Variants in UTS2B observed in about 807,000 individuals in gnomAD.
The protein encoded by UTS2B is urotensin-2B.
UTS2B carries 21 observed loss-of-function variants against 19.2 expected under a neutral mutation model. That is an observed-to-expected ratio of 1.09 (90% CI 0.78 to 1.58). The LOEUF is 1.58. Ranked by LOEUF, UTS2B falls within the 40% of genes most tolerant of loss-of-function variation. The pLI, the probability that UTS2B is intolerant of heterozygous loss-of-function variation, is 0.00. For missense variants in UTS2B, 138 were observed against 130.3 expected (o/e 1.06, Z -0.29); for synonymous variants, 57 against 50.2 (o/e 1.14, Z -0.58).
At chr3:191,269,393 C>A (rs1217709520) in intron 8 of UTS2B, among the ~76,000 whole-genome samples, 4 of 152,212 alleles carry the variant, frequency 2.6e-5, no homozygotes, top group African/African-American at 9.7e-5. Flanking sequence ...TCAAGAGCCA[C>A]AGTTTCCCTT....
At chr3:191,345,054 G>A in the UTS2B span, among the ~76,000 whole-genome samples, 1 of 152,242 alleles carries the variant, frequency 6.6e-6, no homozygotes, top group South Asian at 2.1e-4. Context: ...AATTTGATGG[G>A]CACTCAGAAT....
At chr3:191,344,884 G>A in the UTS2B span, among the ~76,000 whole-genome samples, 17 of 152,148 alleles carry the variant, frequency 1.1e-4, no homozygotes, top group African/African-American at 3.6e-4. Context: ...CAGCCAGGAT[G>A]CCAATTCTAA....
chr3:191,299,242 T>C (rs148540343), intron 4 of UTS2B, among the ~76,000 whole-genome samples: 1 of 152,360 alleles, frequency 6.6e-6, no homozygotes, highest in African/African-American at 2.4e-5. Context: ...GGTAGGCAAA[T>C]GCTAATAGCC....
intron 3 of UTS2B, among the ~76,000 whole-genome samples, chr3:191,310,129 T>C (rs1418802104): frequency 1.4e-5 from 2 of 146,128 alleles, no homozygotes; most frequent in South Asian, 2.1e-4. Context: ...TGCCTGGCTA[T>C]TTTTTTTTGT....
chr3:191,332,359 AAGGG>A, upstream of UTS2B, among the ~76,000 whole-genome samples: 1 of 152,230 alleles, frequency 6.6e-6, no homozygotes, highest in African/African-American at 2.4e-5. Context: ...CTGGGAGACA[AAGGG>A]AAATGATTGA....
the UTS2B span, among the ~76,000 whole-genome samples, chr3:191,340,332 G>A: frequency 1.3e-5 from 2 of 152,138 alleles, no homozygotes; most frequent in African/African-American, 2.4e-5. Context: ...TTATATTTCT[G>A]TAAATTGGGC....
intron 4 of UTS2B, among the ~76,000 whole-genome samples, chr3:191,298,085 G>A (rs901783624): frequency 2.0e-5 from 3 of 152,058 alleles, no homozygotes; most frequent in African/African-American, 7.2e-5. Context: ...ATCATCAACT[G>A]TTGCCTAGTT....
At chr3:191,313,983 G>A (rs575432622) in intron 3 of UTS2B, among the ~76,000 whole-genome samples, 296 of 152,102 alleles carry the variant, frequency 1.9e-3, no homozygotes, top group African/African-American at 6.6e-3. Context: ...CACCCACCTC[G>A]ACCTCCCAAA....
intron 3 of UTS2B, among the ~76,000 whole-genome samples, chr3:191,314,244 G>A (rs1233745844): frequency 6.6e-6 from 1 of 152,030 alleles, no homozygotes; most frequent in Non-Finnish European, 1.5e-5. Context: ...GGAGTTTCAC[G>A]TTACATATAT....
chr3:191,316,750 C>G (rs9872208), intron 2 of UTS2B, among the ~76,000 whole-genome samples: 10 of 152,082 alleles, frequency 6.6e-5, no homozygotes, highest in East Asian at 5.8e-4. Flanking sequence ...GAGCACTGAT[C>G]GGTGCTTTTA....
chr3:191,304,449 C>A (rs1717085150), intron 4 of UTS2B, 43 bp downstream of exon 4: 1 of 152,220 alleles, frequency 6.6e-6, no homozygotes, highest in African/African-American at 2.4e-5. Flanking sequence ...TTAACATATT[C>A]TATTGGCATT....
At chr3:191,301,657 T>C (rs1348264698) in intron 4 of UTS2B, among the ~76,000 whole-genome samples, 3 of 151,892 alleles carry the variant, frequency 2.0e-5, no homozygotes, top group Non-Finnish European at 4.4e-5. Context: ...CGGCTAATTT[T>C]TTTTTGTATT....
At chr3:191,339,056 A>C in the UTS2B span, among the ~76,000 whole-genome samples, 4 of 152,200 alleles carry the variant, frequency 2.6e-5, no homozygotes, top group Admixed American at 6.5e-5. Flanking sequence ...AAACAAGTCA[A>C]ACATAGCATG....
intron 2 of UTS2B, among the ~76,000 whole-genome samples, chr3:191,321,841 A>G (rs1458604651): frequency 6.6e-6 from 1 of 152,222 alleles, no homozygotes; most frequent in East Asian, 1.9e-4. Flanking sequence ...AGCCTGGCCA[A>G]CATGGTGAAA....
intron 4 of UTS2B, among the ~76,000 whole-genome samples, chr3:191,303,873 G>GACAT (rs3048663): frequency 0.6 from 91,160 of 151,756 alleles, 27,817 homozygotes; most frequent in African/African-American, 0.72. Flanking sequence ...GATGTGGTCA[G>GACAT]AGAACAGGAT....
intron 6 of UTS2B, 23 bp from the exon 7 acceptor site, chr3:191,276,867 GA>G (rs1576914191): frequency 1.9e-6 from 3 of 1,605,524 alleles, no homozygotes; most frequent in East Asian, 2.2e-5. Flanking sequence ...TTTGTCACAT[GA>G]AAAAACGTAC....
intron 2 of UTS2B, among the ~76,000 whole-genome samples, chr3:191,322,868 T>A (rs182225350): frequency 1.1e-3 from 160 of 152,318 alleles, no homozygotes; most frequent in African/African-American, 3.6e-3. Flanking sequence ...CTGAGCCCCT[T>A]GAGTGCTCCC....
chr3:191,337,586 G>T, the UTS2B span, among the ~76,000 whole-genome samples: 2 of 151,714 alleles, frequency 1.3e-5, no homozygotes, highest in African/African-American at 4.8e-5. Context: ...CTCGTGATCC[G>T]CCCATCTCGG....
At chr3:191,311,777 T>C (rs751052895) in intron 3 of UTS2B, among the ~76,000 whole-genome samples, 3 of 152,230 alleles carry the variant, frequency 2.0e-5, no homozygotes, top group African/African-American at 4.8e-5. Context: ...AGCTGTGGCA[T>C]AGTAAATCCA....
Sources: allele counts gnomAD v4.1 joint callset (sites outside exome capture counted in the v4.1 genomes callset), GRCh38; gene constraint gnomAD v4.1.1; transcripts MANE v1.5; gene names NCBI Gene and HGNC (gene_info 2026-07-23, HGNC 2026-07-21).